Variants in LINGO2 observed in about 807,000 individuals in gnomAD.
The protein encoded by LINGO2 is leucine rich repeat and Ig domain containing 2.
LINGO2 carries 14 observed loss-of-function variants against 30.6 expected under a neutral mutation model. The ratio of observed to expected loss-of-function variants is 0.46; its 90% CI spans 0.30 to 0.72. The LOEUF (loss-of-function observed/expected upper bound fraction) is 0.72. Among genes scored for constraint, LINGO2 ranks in the 30% least tolerant of loss-of-function variants. LINGO2 has a pLI of 0.07. For synonymous variants in LINGO2, 317 were observed against 288.5 expected (o/e 1.10, Z -1.00); for missense variants, 729 against 751.7 (o/e 0.97, Z 0.35).
intron 1 of LINGO2, among the ~76,000 whole-genome samples, chr9:28,615,153 C>T (rs1039285214): frequency 2.6e-5 from 4 of 152,040 alleles, no homozygotes; most frequent in African/African-American, 7.2e-5. Flanking sequence ...TTCTGCCATA[C>T]GAGAATGTGT....
the LINGO2 span, among the ~76,000 whole-genome samples, chr9:29,188,206 G>C: frequency 6.6e-6 from 1 of 151,530 alleles, no homozygotes; most frequent in Admixed American, 6.6e-5. Context: ...TAAGAGTAGG[G>C]AGTGGTGATG....
At chr9:28,243,684 A>G (rs1225743027) in intron 4 of LINGO2, among the ~76,000 whole-genome samples, 5 of 152,148 alleles carry the variant, frequency 3.3e-5, no homozygotes, top group African/African-American at 7.2e-5. Context: ...TCCTGATAAA[A>G]CAGACTTTAA....
At chr9:27,996,878 A>G (rs556541709) in intron 5 of LINGO2, among the ~76,000 whole-genome samples, 1 of 152,214 alleles carries the variant, frequency 6.6e-6, no homozygotes, top group Non-Finnish European at 1.5e-5. Flanking sequence ...AATATGTAGA[A>G]TTAGTATGTA....
At chr9:29,123,922 T>C in the LINGO2 span, among the ~76,000 whole-genome samples, 4 of 152,068 alleles carry the variant, frequency 2.6e-5, no homozygotes, top group African/African-American at 9.7e-5. Flanking sequence ...TTAAACAAAG[T>C]ATTTTTAAAG....
At chr9:28,012,318 G>A (rs914430604) in intron 5 of LINGO2, 4 of 152,030 alleles carry the variant, frequency 2.6e-5, no homozygotes, top group African/African-American at 9.7e-5. Context: ...TTCCCCACTT[G>A]CGAGAGAATG....
the LINGO2 span, among the ~76,000 whole-genome samples, chr9:29,144,348 G>A: frequency 6.6e-6 from 1 of 152,006 alleles, no homozygotes; most frequent in Non-Finnish European, 1.5e-5. Flanking sequence ...AAATTGCTTT[G>A]GGCAGGATGG....
the LINGO2 span, among the ~76,000 whole-genome samples, chr9:28,995,173 G>GA: frequency 1.3e-5 from 2 of 151,880 alleles, no homozygotes; most frequent in Non-Finnish European, 2.9e-5. Context: ...AAATTTACAA[G>GA]AAAAAAACAA....
the LINGO2 span, among the ~76,000 whole-genome samples, chr9:28,797,076 C>A: frequency 6.6e-6 from 1 of 150,902 alleles, no homozygotes; most frequent in Non-Finnish European, 1.5e-5. Flanking sequence ...AAGAAATAAG[C>A]AATATAGCAT....
intron 4 of LINGO2, among the ~76,000 whole-genome samples, chr9:28,257,768 G>C (rs1384095984): frequency 6.6e-6 from 1 of 151,824 alleles, no homozygotes; most frequent in Non-Finnish European, 1.5e-5. Flanking sequence ...ATTTTATTAG[G>C]TTTATCCAAC....
chr9:28,443,383 C>T (rs192937202), intron 2 of LINGO2, among the ~76,000 whole-genome samples: 55 of 152,212 alleles, frequency 3.6e-4, no homozygotes, highest in Admixed American at 2.5e-3. Context: ...CTGGTTGGGG[C>T]GGGGAACAGG....
chr9:28,229,508 C>G (rs939506773), intron 4 of LINGO2, among the ~76,000 whole-genome samples: 10 of 151,570 alleles, frequency 6.6e-5, no homozygotes, highest in African/African-American at 2.4e-4. Context: ...AGGACCCTCC[C>G]TATCATCAGA....
chr9:28,282,186 C>T (rs954924563), intron 4 of LINGO2, among the ~76,000 whole-genome samples: 1 of 151,996 alleles, frequency 6.6e-6, no homozygotes, highest in Non-Finnish European at 1.5e-5. Context: ...AAGTTATTTC[C>T]AGGATACAAA....
the LINGO2 span, among the ~76,000 whole-genome samples, chr9:28,956,764 C>A: frequency 7.3e-6 from 1 of 137,646 alleles, no homozygotes; most frequent in African/African-American, 2.7e-5. Context: ...CTCCCCTCCC[C>A]TTCCCTTCTC....
chr9:28,804,173 GA>G, the LINGO2 span, among the ~76,000 whole-genome samples: 1 of 152,062 alleles, frequency 6.6e-6, no homozygotes, highest in Non-Finnish European at 1.5e-5. Flanking sequence ...TGCTATGACT[GA>G]AAATGTGGGT....
chr9:28,063,916 TA>T (rs1825231497), intron 4 of LINGO2, among the ~76,000 whole-genome samples: 1 of 152,132 alleles, frequency 6.6e-6, no homozygotes, highest in African/African-American at 2.4e-5. Context: ...CAGAAAGGCT[TA>T]AGTATTTGAG....
intron 1 of LINGO2, among the ~76,000 whole-genome samples, chr9:28,626,981 C>A (rs1450487953): frequency 1.3e-5 from 2 of 151,864 alleles, no homozygotes; most frequent in African/African-American, 4.8e-5. Context: ...TGATGCATTT[C>A]TCCTGGGCTA....
chr9:28,488,501 T>A lies in LINGO2; in HGVS notation c.-364-12476A>T, dbSNP rs572420266. Reference sequence around the variant, plus strand: ...AGTGGTTAAAACACCAGCTCTAGAATGAAACCTTCAGTTAAGGTCTTAGCA... The same window carrying A: ...AGTGGTTAAAACACCAGCTCTAGAAAGAAACCTTCAGTTAAGGTCTTAGCA... On this transcript the variant is annotated intron_variant, in intron 1 of 5. Transcript: ENST00000379992. Among the ~76,000 whole-genome samples the A allele has an allele frequency of 2.0e-5, 3 of 152,288 alleles. No homozygotes were observed. The East Asian group carries it at 5.8e-4, about 29-fold the overall frequency.
At chr9:29,037,771 T>A in the LINGO2 span, among the ~76,000 whole-genome samples, 1 of 151,958 alleles carries the variant, frequency 6.6e-6, no homozygotes, top group Non-Finnish European at 1.5e-5. Context: ...AAAATATCTA[T>A]GCTTCAATTT....
In LINGO2 at chr9:28,189,576, GAA is replaced by G. The variant is rs1266443874; in HGVS notation, c.-87+105630_-87+105631del. Among the ~76,000 whole-genome samples the G allele has an allele frequency of 4.4e-4, 26 of 59,066 alleles. 1 individual carries two copies. The highest frequency in any genetic ancestry group is 6.7e-4 in the Non-Finnish European group (19 of 28,266). The allele number at this position is 59,066 out of a possible 152,430, so 38.7% of individuals were successfully genotyped here. On this transcript the variant is annotated intron_variant, in intron 4 of 5. Coordinates refer to ENST00000379992, the Ensembl canonical transcript of LINGO2. ...GGAAGGAAGGGAGGAAGGAAGGAAG[GAA>G]GGGAGGGAGGAAGGAAGGAAGGGAG... is the stretch of plus-strand genomic sequence containing the variant.
Sources: gnomAD v4.1 joint callset for allele counts (sites outside exome capture counted in the v4.1 genomes callset) on GRCh38, gnomAD v4.1.1 for gene constraint, MANE v1.5 for transcripts, NCBI Gene and HGNC (gene_info 2026-07-23, HGNC 2026-07-21) for gene names.